Variants in NPSR1 observed in about 807,000 individuals in gnomAD.
NPSR1 encodes neuropeptide S receptor 1.
A neutral mutation model predicts 46.9 loss-of-function variants in NPSR1; 48 were observed. The observed-to-expected ratio is 1.02, with a 90% CI of 0.81 to 1.30. The LOEUF (loss-of-function observed/expected upper bound fraction) is 1.30. Ranked by LOEUF, NPSR1 falls within the 50% of genes most tolerant of loss-of-function variation. The probability of loss-of-function intolerance (pLI) is 0.00; values close to 1 mark genes in which losing one functional copy is unlikely to be tolerated. For missense variants in NPSR1, 450 were observed against 449.5 expected, an observed-to-expected ratio of 1.00 and a Z score of -0.01; for synonymous variants, 176 against 168.1, an observed-to-expected ratio of 1.05 and a Z score of -0.36.
At chr7:34,675,342 C>T (rs551120707) in intron 1 of NPSR1, among the ~76,000 whole-genome samples, 87 of 152,280 alleles carry the variant, frequency 5.7e-4, no homozygotes, top group African/African-American at 2.0e-3. Context: ...GATACTTAGG[C>T]TTTTTGTCTT....
chr7:34,877,139 C>T lies in NPSR1; in HGVS notation c.1026-937C>T, dbSNP rs187073354. On this transcript the variant is annotated intron_variant, in intron 8 of 8. Transcript: ENST00000359791. ...CCAAGATGACAATCATTCTGATGGC[C>T]GAAAGGATCTGGATCTCAGCATGGA... 2.3e-3 allele frequency among the ~76,000 whole-genome samples: 352 copies of T among 152,130 alleles called. 1 individual carries two copies. The highest frequency in any genetic ancestry group is 8.2e-3 in the African/African-American group (341 of 41,476).
intron 1 of NPSR1, 99 bp from the exon 2 acceptor site, chr7:34,684,453 A>C: frequency 2.6e-6 from 3 of 1,144,378 alleles, no homozygotes; most frequent in Non-Finnish European, 3.8e-6. Context: ...AAGTAGGGAT[A>C]TGTGGCTAGG....
At chr7:34,665,744 G>A (rs1791712385) in intron 1 of NPSR1, among the ~76,000 whole-genome samples, 2 of 152,046 alleles carry the variant, frequency 1.3e-5, no homozygotes, top group Admixed American at 1.3e-4. Context: ...AAAGCACTTA[G>A]AATCTCTGTG....
chr7:34,796,008 T>C lies in NPSR1; in HGVS notation c.385-15762T>C, dbSNP rs112341224. Among the ~76,000 whole-genome samples the C allele has an allele frequency of 2.0e-3, 310 of 152,226 alleles. 4 individuals are homozygous for C. Among genetic ancestry groups the C allele is most frequent in the African/African-American group, 6.8e-3 (283 of 41,558 alleles). On this transcript the variant is annotated intron_variant, in intron 3 of 8. Transcript: ENST00000360581. Reference sequence around the variant, plus strand: ...TACTTCCCAAAATCAATATTTACTATAAAGCTATAGTAATTAAGACAGTGT... The same window carrying C: ...TACTTCCCAAAATCAATATTTACTACAAAGCTATAGTAATTAAGACAGTGT...
chr7:34,663,097 G>GT (rs1447511951), intron 1 of NPSR1, among the ~76,000 whole-genome samples: 1 of 147,330 alleles, frequency 6.8e-6, no homozygotes, highest in Non-Finnish European at 1.5e-5. Context: ...GTGTGTGGCG[G>GT]GGGGGAGTGG....
intron 4 of NPSR1, among the ~76,000 whole-genome samples, chr7:34,819,140 G>C (rs567390544): frequency 6.6e-6 from 1 of 152,194 alleles, no homozygotes; most frequent in East Asian, 1.9e-4. Context: ...GCAGCCTACA[G>C]AATGGGAGAA....
intron 1 of NPSR1, among the ~76,000 whole-genome samples, chr7:34,659,192 AT>A (rs1478739357): frequency 6.6e-6 from 1 of 152,244 alleles, no homozygotes; most frequent in African/African-American, 2.4e-5. Context: ...AAGGATCTTC[AT>A]TAAGCTAATA....
intron 2 of NPSR1, among the ~76,000 whole-genome samples, chr7:34,742,626 C>T (rs771693121): frequency 1.3e-5 from 2 of 152,150 alleles, no homozygotes; most frequent in Non-Finnish European, 2.9e-5. Flanking sequence ...CTGCAATGAA[C>T]ATTTGTATGC....
At chr7:34,751,145 C>T in intron 2 of NPSR1, 1 of 912,092 alleles carries the variant, frequency 1.1e-6, no homozygotes, top group Non-Finnish European at 1.9e-6. Context: ...ACTGGCTGAG[C>T]AGGGTCCTGA....
At chr7:34,738,714 C>CT (rs752575489) in intron 2 of NPSR1, among the ~76,000 whole-genome samples, 81 of 152,068 alleles carry the variant, frequency 5.3e-4, no homozygotes, top group Non-Finnish European at 9.3e-4. Context: ...TACCATTATT[C>CT]TTTTTCTAAC....
chr7:34,668,604 C>A (rs545399010), intron 1 of NPSR1, among the ~76,000 whole-genome samples: 1 of 152,168 alleles, frequency 6.6e-6, no homozygotes, highest in African/African-American at 2.4e-5. Context: ...GGGTTAAAAT[C>A]ATAATATTTT....
At chr7:34,725,537 A>G (rs1250160865) in intron 2 of NPSR1, among the ~76,000 whole-genome samples, 1 of 152,236 alleles carries the variant, frequency 6.6e-6, no homozygotes, top group Admixed American at 6.5e-5. Context: ...AACGCATCCC[A>G]GAGCCTGTGC....
intron 3 of NPSR1, among the ~76,000 whole-genome samples, chr7:34,789,476 G>A (rs577233111): frequency 6.8e-6 from 1 of 146,580 alleles, no homozygotes; most frequent in African/African-American, 2.4e-5. Context: ...GAAACAAAAA[G>A]CATCATAACA....
intron 6 of NPSR1, among the ~76,000 whole-genome samples, chr7:34,836,167 C>T (rs1015817287): frequency 1.3e-5 from 2 of 152,084 alleles, no homozygotes; most frequent in African/African-American, 4.8e-5. Context: ...AGTCTCCACA[C>T]CCTGGTTTTT....
intron 2 of NPSR1, chr7:34,751,004 C>A (rs1785493510): frequency 5.2e-6 from 4 of 771,054 alleles, no homozygotes; most frequent in Admixed American, 3.4e-5. Flanking sequence ...CATTGAAGAA[C>A]TTCTTGGCCA....
intron 1 of NPSR1, among the ~76,000 whole-genome samples, chr7:34,674,913 A>C (rs1397118686): frequency 6.6e-6 from 1 of 152,208 alleles, no homozygotes; most frequent in African/African-American, 2.4e-5. Flanking sequence ...TGGCTCAGAA[A>C]GAAAATGAAG....
At chr7:34,874,379 C>T (rs1191683374) in intron 8 of NPSR1, among the ~76,000 whole-genome samples, 1 of 152,122 alleles carries the variant, frequency 6.6e-6, no homozygotes, top group Non-Finnish European at 1.5e-5. Flanking sequence ...AAGATTCACC[C>T]TACCATCAGG....
At chr7:34,749,150 C>T (rs1488573973) in intron 2 of NPSR1, among the ~76,000 whole-genome samples, 2 of 152,082 alleles carry the variant, frequency 1.3e-5, no homozygotes, top group Non-Finnish European at 1.5e-5. Context: ...TGTTCATGAC[C>T]CAAACAAAGC....
chr7:34,711,565 A>T (rs886934355), intron 2 of NPSR1: 3 of 152,240 alleles, frequency 2.0e-5, no homozygotes, highest in African/African-American at 7.2e-5. Flanking sequence ...TACATAGTTA[A>T]AATACACCTA....
Sources: allele counts gnomAD v4.1 joint callset (sites outside exome capture counted in the v4.1 genomes callset), GRCh38; gene constraint gnomAD v4.1.1; transcripts MANE v1.5; gene names NCBI Gene and HGNC (gene_info 2026-07-23, HGNC 2026-07-21).